Variants in TRIM71 observed in about 807,000 individuals in gnomAD.
TRIM71 encodes the protein tripartite motif containing 71, also known as E3 ubiquitin-protein ligase TRIM71.
A neutral mutation model predicts 61.2 loss-of-function variants in TRIM71; 9 were observed. The ratio of observed to expected loss-of-function variants is 0.15; its 90% CI spans 0.09 to 0.26. The LOEUF (loss-of-function observed/expected upper bound fraction) is 0.26. TRIM71 is among the 10% of genes least tolerant of loss of function. The pLI is 1.00. For missense variants in TRIM71, 998 were observed against 1,238.7 expected (o/e 0.81, Z 2.92); for synonymous variants, 645 against 553.2 (o/e 1.17, Z -2.33).
chr3:32,819,308 CGT>C (rs1696102138), intron 1 of TRIM71, among the ~76,000 whole-genome samples: 1 of 152,130 alleles, frequency 6.6e-6, no homozygotes, highest in Admixed American at 6.5e-5. Flanking sequence ...GGCCTCCCAA[CGT>C]GCTGAGAAGG....
intron 1 of TRIM71, among the ~76,000 whole-genome samples, chr3:32,872,966 G>T (rs539188540): frequency 1.3e-5 from 2 of 152,126 alleles, no homozygotes; most frequent in Non-Finnish European, 2.9e-5. Flanking sequence ...GAGAGATACA[G>T]TAATGAGACT....
intron 1 of TRIM71, among the ~76,000 whole-genome samples, chr3:32,859,621 G>C (rs1443557074): frequency 6.6e-6 from 1 of 152,106 alleles, no homozygotes; most frequent in Non-Finnish European, 1.5e-5. Flanking sequence ...CCCAAATGTT[G>C]GTCTTTCTTC....
intron 1 of TRIM71, among the ~76,000 whole-genome samples, chr3:32,843,546 C>T (rs956945488): frequency 3.3e-5 from 5 of 152,148 alleles, no homozygotes; most frequent in Admixed American, 3.3e-4. Context: ...GAAATCTGGG[C>T]AGGCATCACC....
intron 1 of TRIM71, among the ~76,000 whole-genome samples, chr3:32,873,592 C>G (rs1462782787): frequency 1.3e-5 from 2 of 152,118 alleles, no homozygotes; most frequent in Admixed American, 1.3e-4. Context: ...TGTGTTCCCC[C>G]CTCCATTCCC....
chr3:32,874,061 T>A, intron 2 of TRIM71, 76 bp downstream of exon 2: 1 of 1,461,400 alleles, frequency 6.8e-7, no homozygotes, highest in Non-Finnish European at 9.2e-7. Flanking sequence ...GGACAGACAA[T>A]TGGGCAGATT....
intron 1 of TRIM71, among the ~76,000 whole-genome samples, chr3:32,832,107 G>T (rs1483855280): frequency 6.6e-6 from 1 of 151,934 alleles, no homozygotes; most frequent in Non-Finnish European, 1.5e-5. Context: ...TGGTGGGGGG[G>T]GATTCTCTAC....
At chr3:32,861,861 A>C (rs1441901310) in intron 1 of TRIM71, among the ~76,000 whole-genome samples, 1 of 151,360 alleles carries the variant, frequency 6.6e-6, no homozygotes, top group Non-Finnish European at 1.5e-5. Context: ...CCCAGCACCC[A>C]CTCTTCCACA....
intron 1 of TRIM71, among the ~76,000 whole-genome samples, chr3:32,851,653 AT>A (rs1204046261): frequency 6.6e-6 from 1 of 151,770 alleles, no homozygotes; most frequent in Admixed American, 6.6e-5. Context: ...TAATTGTTGT[AT>A]TTTTAGTAGA....
At chr3:32,838,469 C>A (rs1311769451) in intron 1 of TRIM71, among the ~76,000 whole-genome samples, 1 of 151,434 alleles carries the variant, frequency 6.6e-6, no homozygotes, top group East Asian at 1.9e-4. Flanking sequence ...GTGATCCACC[C>A]GCCTCTGCCT....
chr3:32,873,207 C>A (rs1407565724), intron 1 of TRIM71, among the ~76,000 whole-genome samples: 1 of 151,958 alleles, frequency 6.6e-6, no homozygotes, highest in Non-Finnish European at 1.5e-5. Flanking sequence ...AGAAGAAAGG[C>A]AAGGAGCTGG....
chr3:32,849,499 C>A (rs1355479572), intron 1 of TRIM71, among the ~76,000 whole-genome samples: 1 of 152,156 alleles, frequency 6.6e-6, no homozygotes, highest in East Asian at 1.9e-4. Context: ...GCTGGGATTA[C>A]AGGCGTGCAC....
At chr3:32,864,807 A>G (rs1696713117) in intron 1 of TRIM71, among the ~76,000 whole-genome samples, 1 of 150,862 alleles carries the variant, frequency 6.6e-6, no homozygotes, top group Non-Finnish European at 1.5e-5. Context: ...CCCAGTTGGT[A>G]TTTTGCAACA....
intron 1 of TRIM71, among the ~76,000 whole-genome samples, chr3:32,855,752 C>T (rs572927725): frequency 5.9e-5 from 9 of 152,214 alleles, no homozygotes; most frequent in Admixed American, 2.6e-4. Context: ...CCAGTATAAG[C>T]TGACATGTGG....
At chr3:32,836,505 C>T (rs933051810) in intron 1 of TRIM71, among the ~76,000 whole-genome samples, 1 of 152,166 alleles carries the variant, frequency 6.6e-6, no homozygotes, top group African/African-American at 2.4e-5. Flanking sequence ...TTTAGTTTAA[C>T]TTGGTATACA....
At chr3:32,859,812 C>T (rs1433287783) in intron 1 of TRIM71, among the ~76,000 whole-genome samples, 1 of 152,082 alleles carries the variant, frequency 6.6e-6, no homozygotes, top group Non-Finnish European at 1.5e-5. Context: ...GGGGAGCAGC[C>T]AAGGGACTGG....
At chr3:32,847,845 A>G (rs189546189) in intron 1 of TRIM71, among the ~76,000 whole-genome samples, 7 of 152,342 alleles carry the variant, frequency 4.6e-5, no homozygotes, top group Admixed American at 2.6e-4. Context: ...AATGTTTTAT[A>G]TATTTATGGG....
chr3:32,864,476 C>A (rs1234433113), intron 1 of TRIM71, among the ~76,000 whole-genome samples: 1 of 152,150 alleles, frequency 6.6e-6, no homozygotes, highest in Non-Finnish European at 1.5e-5. Context: ...AAGGTGCCAG[C>A]CCAAAAAGCA....
chr3:32,877,214 C>G (rs1390858867), intron 2 of TRIM71, among the ~76,000 whole-genome samples: 1 of 152,140 alleles, frequency 6.6e-6, no homozygotes, highest in Non-Finnish European at 1.5e-5. Context: ...AGTGATTCTC[C>G]TGCCTCAGCC....
At position 32,818,731 on chromosome 3, in the gene TRIM71, G is replaced by A. The variant is rs1480522411; in HGVS notation, c.651G>A (p.Glu217=). 3.1e-6 allele frequency: 5 copies of A among 1,599,912 alleles called. No homozygotes were observed. Among genetic ancestry groups the A allele is most frequent in the African/African-American group, 2.7e-5 (2 of 74,770 alleles). ...CTTCGCGCTGCCTCGACTGCCAGGA[G>A]CACCTGTGCGACAACTGCGTCCGAG... ...AASSRCLDCQ[E]HLCDNCVRAH... Residue 217 remains glutamate (E), a synonymous_variant, in exon 1 of 4, where the codon GAG becomes GAA. Coordinates refer to ENST00000383763, the MANE Select transcript of TRIM71 (RefSeq NM_001039111.3).
Sources: gnomAD v4.1 joint callset for allele counts (sites outside exome capture counted in the v4.1 genomes callset) on GRCh38, gnomAD v4.1.1 for gene constraint, MANE v1.5 for transcripts, NCBI Gene and HGNC (gene_info 2026-07-23, HGNC 2026-07-21) for gene names.